SUGCT: variants seen among roughly 807,000 people sequenced by gnomAD.
SUGCT encodes succinyl-CoA:glutarate-CoA transferase, also known as succinyl-CoA:glutarate CoA-transferase.
In SUGCT, 41 loss-of-function variants were observed where a neutral mutation model predicts 55.0. The observed-to-expected ratio is 0.74, with a 90% CI of 0.58 to 0.97. The LOEUF (loss-of-function observed/expected upper bound fraction) is 0.97. SUGCT is among the 50% of genes least tolerant of loss of function. SUGCT has a pLI of 0.00. For missense variants in SUGCT, 568 were observed against 547.8 expected (o/e 1.04, Z -0.37); for synonymous variants, 187 against 200.4 (o/e 0.93, Z 0.56).
chr7:40,979,055 T>C, the SUGCT span, among the ~76,000 whole-genome samples: 2 of 152,316 alleles, frequency 1.3e-5, no homozygotes, highest in South Asian at 2.1e-4. Flanking sequence ...AAGGTTGATG[T>C]ACCCCCATAT....
At chr7:40,442,919 A>G (rs1414477141) in intron 9 of SUGCT, among the ~76,000 whole-genome samples, 2 of 151,940 alleles carry the variant, frequency 1.3e-5, no homozygotes, top group Non-Finnish European at 2.9e-5. Flanking sequence ...TCTCCATCCA[A>G]TGTCCAAGTG....
intron 12 of SUGCT, among the ~76,000 whole-genome samples, chr7:40,617,853 G>T (rs1281922190): frequency 6.6e-6 from 1 of 151,960 alleles, no homozygotes; most frequent in Non-Finnish European, 1.5e-5. Flanking sequence ...TGTACTGATT[G>T]TTCAACATCA....
At chr7:40,623,189 TTCTCCATTTGCCCATC>T (rs1166941105) in intron 12 of SUGCT, among the ~76,000 whole-genome samples, 1 of 152,204 alleles carries the variant, frequency 6.6e-6, no homozygotes. Context: ...TTAACTCTCT[TTCTCCATTTGCCCATC>T]TCTCCATGCC....
At chr7:40,496,035 T>C (rs1167698119) in intron 11 of SUGCT, among the ~76,000 whole-genome samples, 1 of 152,166 alleles carries the variant, frequency 6.6e-6, no homozygotes, top group Non-Finnish European at 1.5e-5. Flanking sequence ...TTCATAGCAA[T>C]AGAAATAGGA....
At chr7:40,244,823 G>T (rs1421345772) in intron 7 of SUGCT, among the ~76,000 whole-genome samples, 1 of 151,944 alleles carries the variant, frequency 6.6e-6, no homozygotes, top group East Asian at 1.9e-4. Context: ...TACAAACCAG[G>T]ACAGTTTTGA....
chr7:40,393,177 G>A (rs781723790), intron 9 of SUGCT, among the ~76,000 whole-genome samples: 4 of 152,078 alleles, frequency 2.6e-5, no homozygotes, highest in South Asian at 2.1e-4. Context: ...GGTTGTAGAC[G>A]GATTACTGGG....
At chr7:41,016,953 G>C in the SUGCT span, among the ~76,000 whole-genome samples, 13 of 152,152 alleles carry the variant, frequency 8.5e-5, no homozygotes, top group African/African-American at 3.1e-4. Context: ...GGAGTTTTTG[G>C]ATTCACAGCT....
At chr7:40,742,582 G>GC (rs1045983957) in intron 12 of SUGCT, among the ~76,000 whole-genome samples, 1 of 152,034 alleles carries the variant, frequency 6.6e-6, no homozygotes, top group Non-Finnish European at 1.5e-5. Context: ...AATGCTCCTT[G>GC]CCCACTGCTC....
At chr7:40,686,155 T>C (rs1784453880) in intron 12 of SUGCT, among the ~76,000 whole-genome samples, 1 of 152,232 alleles carries the variant, frequency 6.6e-6, no homozygotes, top group African/African-American at 2.4e-5. Context: ...CCTGGTTTCC[T>C]GTTCCATTGT....
chr7:40,379,506 A>T (rs1487625510), intron 9 of SUGCT, among the ~76,000 whole-genome samples: 1 of 152,200 alleles, frequency 6.6e-6, no homozygotes, highest in Non-Finnish European at 1.5e-5. Flanking sequence ...TGGAAATTAT[A>T]TGCTGGCTCT....
At chr7:40,323,057 C>G (rs1333538143) in intron 9 of SUGCT, among the ~76,000 whole-genome samples, 1 of 152,120 alleles carries the variant, frequency 6.6e-6, no homozygotes, top group Non-Finnish European at 1.5e-5. Context: ...AACCAGAACT[C>G]CAAACCTTTT....
At chr7:40,715,090 G>C (rs1204313063) in intron 12 of SUGCT, among the ~76,000 whole-genome samples, 1 of 152,062 alleles carries the variant, frequency 6.6e-6, no homozygotes, top group Non-Finnish European at 1.5e-5. Context: ...GTAAGGGTGT[G>C]ACTTGGATTA....
At chr7:40,292,942 C>T (rs1014271935) in intron 8 of SUGCT, among the ~76,000 whole-genome samples, 3 of 151,860 alleles carry the variant, frequency 2.0e-5, no homozygotes, top group Non-Finnish European at 2.9e-5. Context: ...TGGTATGTAA[C>T]GTCATGAAAA....
the SUGCT span, among the ~76,000 whole-genome samples, chr7:40,946,318 G>A: frequency 6.6e-6 from 1 of 152,094 alleles, no homozygotes; most frequent in African/African-American, 2.4e-5. Context: ...TGGGTGGAGG[G>A]GTAAGGTCAG....
chr7:40,736,231 C>CAATATAT (rs1333108605), intron 12 of SUGCT, among the ~76,000 whole-genome samples: 1 of 72,736 alleles, frequency 1.4e-5, no homozygotes, highest in Non-Finnish European at 2.3e-5. Flanking sequence ...TATAATATAT[C>CAATATAT]AATATATAAT....
intron 11 of SUGCT, among the ~76,000 whole-genome samples, chr7:40,474,651 G>A (rs566739398): frequency 1.9e-4 from 29 of 152,300 alleles, no homozygotes; most frequent in Admixed American, 1.6e-3. Flanking sequence ...GTCAGGGGAT[G>A]TGGGATGGGG....
intron 8 of SUGCT, among the ~76,000 whole-genome samples, chr7:40,279,054 C>A (rs1397320790): frequency 6.8e-6 from 1 of 147,178 alleles, no homozygotes; most frequent in African/African-American, 2.5e-5. Flanking sequence ...CCAGGCTAGT[C>A]TTGAACTCTT....
chr7:40,150,886 G>T (rs1364258679), intron 1 of SUGCT, among the ~76,000 whole-genome samples: 1 of 152,132 alleles, frequency 6.6e-6, no homozygotes, highest in Non-Finnish European at 1.5e-5. Context: ...CTTAGCCAGG[G>T]AATTACCATG....
At chr7:40,287,442 A>G (rs2151035939) in intron 8 of SUGCT, among the ~76,000 whole-genome samples, 1 of 152,192 alleles carries the variant, frequency 6.6e-6, no homozygotes, top group Admixed American at 6.5e-5. Flanking sequence ...TCTCAAGGCA[A>G]AACATTTCAG....
Sources: allele counts gnomAD v4.1 joint callset (sites outside exome capture counted in the v4.1 genomes callset), GRCh38; gene constraint gnomAD v4.1.1; transcripts MANE v1.5; gene names NCBI Gene and HGNC (gene_info 2026-07-23, HGNC 2026-07-21).